The following NET1 variants were observed in gnomAD, a reference collection of about 807,000 sequenced individuals.
The protein encoded by NET1 is neuroepithelial cell transforming 1.
Under a neutral mutation model 61.1 loss-of-function variants are expected in NET1, and 42 were observed. The observed-to-expected ratio is 0.69, with a 90% CI of 0.54 to 0.89. NET1 has a LOEUF of 0.89. Among genes scored for constraint, NET1 ranks in the 40% least tolerant of loss-of-function variants. The pLI is 0.00. For synonymous variants in NET1, 254 were observed against 281.8 expected, an observed-to-expected ratio of 0.90 and a Z score of 0.99; for missense variants, 654 against 747.3, an observed-to-expected ratio of 0.88 and a Z score of 1.46.
chr10:5,421,654 A>G lies in NET1; in HGVS notation c.129-5001A>G, dbSNP rs1249171029. ...ATGTTTTTAAATAGTTTATTGAGAT[A>G]TGATTTGTATATCATAACATTCACC... On this transcript the variant is annotated intron_variant, in intron 1 of 11. Transcript: ENST00000355029. The surrounding 1 kb of genome is among the most constrained non-coding windows in gnomAD (Gnocchi z 4.2). 6.6e-6 allele frequency among the ~76,000 whole-genome samples: 1 copy of G among 152,234 alleles called. No homozygotes were observed. The highest frequency in any genetic ancestry group is 2.4e-5 in the African/African-American group (1 of 41,464).
chr10:5,442,923 C>T (rs910538026), intron 3 of NET1, among the ~76,000 whole-genome samples: 1 of 150,994 alleles, frequency 6.6e-6, no homozygotes, highest in Non-Finnish European at 1.5e-5. Flanking sequence ...TCTAAACTTA[C>T]ACAACTGGAA....
chr10:5,425,372 C>G (rs944862135), intron 1 of NET1, among the ~76,000 whole-genome samples: 2 of 152,180 alleles, frequency 1.3e-5, no homozygotes, highest in African/African-American at 4.8e-5. Flanking sequence ...AGACACTCAT[C>G]AGTGGTGTTT....
rs929539349 is a variant in NET1 at position 5,458,265 on chromosome 10, G to T, written c.*1271G>T. On this transcript the variant is annotated 3_prime_UTR_variant, in exon 12 of 12. Coordinates refer to ENST00000355029, the MANE Select transcript of NET1 (RefSeq NM_001047160.3). The surrounding 1 kb of genome is among the most constrained non-coding windows in gnomAD (Gnocchi z 4.5). The stretch of plus-strand genomic sequence containing the variant: ...TTACAAAATGTTTCTGTTAAAATGG[G>T]ATCATCATCTTTGAAAGGGGGGAGG... 14 of 152,286 alleles carry T rather than the reference G, an allele frequency of 9.2e-5. No homozygotes were observed. In the East Asian group the frequency reaches 2.5e-3, roughly 27 times the overall value. 9.4% of individuals were successfully genotyped at this position (152,286 alleles called of 1,614,324 possible).
rs1185556832 is a variant in NET1, at chr10:5,422,368, G to A, written c.129-4287G>A. On this transcript the variant is annotated intron_variant, in intron 1 of 11. Coordinates refer to ENST00000355029, the MANE Select transcript of NET1 (RefSeq NM_001047160.3). This position sits in a 1 kb window ranked among gnomAD's most constrained non-coding sequence, Gnocchi z 4.1. ...AAAAAAAGTCTTTGTGTAGACATAC[G>A]TTTTCACTCCTCTTGGGTAAATTCT... 6.6e-6 allele frequency among the ~76,000 whole-genome samples: 1 copy of A among 151,898 alleles called. No homozygotes were observed. Among genetic ancestry groups the A allele is most frequent in the Non-Finnish European group, 1.5e-5 (1 of 67,944 alleles).
chr10:5,413,350 G>A (rs1387442176), intron 1 of NET1, among the ~76,000 whole-genome samples: 1 of 152,170 alleles, frequency 6.6e-6, no homozygotes, highest in East Asian at 1.9e-4. Flanking sequence ...AAAGACTAAG[G>A]GATAAGTTGA....
Position 5,444,113 on chromosome 10 carries a change from C to T in NET1, c.256-7717C>T, listed in dbSNP as rs1832567404. Among the ~76,000 whole-genome samples, 2 of 152,204 alleles carry T rather than the reference C, an allele frequency of 1.3e-5. No homozygotes were observed. The highest frequency in any genetic ancestry group is 2.4e-5 in the African/African-American group (1 of 41,430). ...GAGTAAAATTAGGAGTCCACAATCG[C>T]TCAGGTGCTTCTACTTTCATGCTAT... On this transcript the variant is annotated intron_variant, in intron 3 of 11. Transcript: ENST00000355029. This position sits in a 1 kb window ranked among gnomAD's most constrained non-coding sequence, Gnocchi z 5.3.
chr10:5,457,195 A>C lies in NET1; in HGVS notation c.*201A>C, dbSNP rs1249182613. The C allele has an allele frequency of 2.5e-6, 1 of 402,858 alleles. No individual in the cohort carries two copies. Among genetic ancestry groups the C allele is most frequent in the Non-Finnish European group, 4.3e-6 (1 of 233,676 alleles). 25.0% of individuals were successfully genotyped at this position (402,858 alleles called of 1,614,324 possible). On this transcript the variant is annotated 3_prime_UTR_variant, in exon 12 of 12. Transcript: ENST00000355029. This position sits in a 1 kb window ranked among gnomAD's most constrained non-coding sequence, Gnocchi z 5.4. ...TTAAATTGCAGTCCTTTTTTTTTTA[A>C]AGATATTTTCTTGAATTATTTAGAA...
chr10:5,458,843 G>A lies in NET1; in HGVS notation c.*1849G>A, dbSNP rs1446580396. The stretch of plus-strand genomic sequence containing the variant: ...TGATTGTGATCTGCAACACCAGAAA[G>A]CAAGATTTCTAATCATTTCCAGAGG... On this transcript the variant is annotated 3_prime_UTR_variant, in exon 12 of 12. Coordinates refer to ENST00000355029, the MANE Select transcript of NET1 (RefSeq NM_001047160.3). The surrounding 1 kb of genome is among the most constrained non-coding windows in gnomAD (Gnocchi z 4.5). 1.3e-5 allele frequency among the ~76,000 whole-genome samples: 2 copies of A among 152,164 alleles called. No individual in the cohort carries two copies. Among genetic ancestry groups the A allele is most frequent in the Non-Finnish European group, 2.9e-5 (2 of 68,022 alleles).
At position 5,456,777 on chromosome 10, in the gene NET1, A is replaced by G; in HGVS notation, c.1574A>G (p.Asn525Ser). The change falls in exon 12 of 12, where the codon AAC (asparagine) becomes AGC (serine). Residue 525 changes from asparagine (N) to serine (S), a missense_variant. Asn to Ser is a conservative substitution (Grantham distance 46). Transcript: ENST00000355029. This position sits in a 1 kb window ranked among gnomAD's most constrained non-coding sequence, Gnocchi z 7.0. ...LPELHEECEG[N>S]HPSARKLTAQ... ...GAGCTGCACGAAGAGTGTGAGGGGA[A>G]CCACCCCTCTGCGAGGAAACTCACA... 1 of 1,613,424 alleles carries G rather than the reference A, an allele frequency of 6.2e-7. No individual in the cohort carries two copies. The highest frequency in any genetic ancestry group is 8.5e-7 in the Non-Finnish European group (1 of 1,179,664).
Position 5,456,834 on chromosome 10 carries a change from T to C in NET1, c.1631T>C (p.Val544Ala), listed in dbSNP as rs1221489341. 1 of 1,614,010 alleles carries C rather than the reference T, an allele frequency of 6.2e-7. No homozygotes were observed. Among genetic ancestry groups the C allele is most frequent in the Non-Finnish European group, 8.5e-7 (1 of 1,179,992 alleles). ...AGGAGGGCATCCACAGTTTCCAGTGTTACTCAGGTAGAAGTTGATGAAAAC... is the reference window on the plus strand; with the variant it reads ...AGGAGGGCATCCACAGTTTCCAGTGCTACTCAGGTAGAAGTTGATGAAAAC... Reference protein sequence around the residue: ...AQRRASTVSSVTQVEVDENAY... With the variant: ...AQRRASTVSSATQVEVDENAY... Residue 544 changes from valine to alanine, a missense_variant, in exon 12 of 12, where the codon GTT (valine) becomes GCT (alanine). Transcript: ENST00000355029. This position sits in a 1 kb window ranked among gnomAD's most constrained non-coding sequence, Gnocchi z 7.0.
At position 5,440,426 on chromosome 10, in the gene NET1, T is replaced by C. The variant is rs949552573; in HGVS notation, c.255+11197T>C. 3.9e-5 allele frequency among the ~76,000 whole-genome samples: 6 copies of C among 152,220 alleles called. No individual in the cohort carries two copies. Among genetic ancestry groups the C allele is most frequent in the Admixed American group, 3.3e-4 (5 of 15,284 alleles). Reference sequence around the variant, plus strand: ...CTACATCTTGCACAACAGTTGAGGTTGGAACTACCACTTAAGTTTACAGTG... The same window carrying C: ...CTACATCTTGCACAACAGTTGAGGTCGGAACTACCACTTAAGTTTACAGTG... On this transcript the variant is annotated intron_variant, in intron 3 of 11. Coordinates refer to ENST00000355029, the MANE Select transcript of NET1 (RefSeq NM_001047160.3). This position sits in a 1 kb window ranked among gnomAD's most constrained non-coding sequence, Gnocchi z 4.1.
chr10:5,430,284 C>G (rs879339732), intron 3 of NET1, among the ~76,000 whole-genome samples: 4 of 151,996 alleles, frequency 2.6e-5, no homozygotes, highest in African/African-American at 4.8e-5. Context: ...TAGCAGTTAT[C>G]AATATATGAA....
Position 5,457,415 on chromosome 10 carries a change from A to G in NET1, c.*421A>G, listed in dbSNP as rs1021156156. On this transcript the variant is annotated 3_prime_UTR_variant, in exon 12 of 12. Transcript: ENST00000355029. This position sits in a 1 kb window ranked among gnomAD's most constrained non-coding sequence, Gnocchi z 5.4. ...TGCATGCAAAATTTGAAATTTTAAC[A>G]TTGGCACCCAAAACCTACATGGAAT... The G allele has an allele frequency of 2.6e-5, 4 of 153,426 alleles. No individual in the cohort carries two copies. Among genetic ancestry groups the G allele is most frequent in the African/African-American group, 7.2e-5 (3 of 41,478 alleles). The allele number at this position is 153,426 out of a possible 1,614,324, so 9.5% of individuals were successfully genotyped here. A position where few individuals can be genotyped will look rare whatever the true frequency, so the allele number is the denominator to read the frequency against.
chr10:5,457,193 T>A lies in NET1; in HGVS notation c.*199T>A, dbSNP rs59949764. The A allele has an allele frequency of 5.9e-4, 236 of 402,416 alleles. 2 individuals are homozygous for A. The highest frequency in any genetic ancestry group is 4.3e-3 in the African/African-American group (207 of 48,696). The allele number at this position is 402,416 out of a possible 1,614,324, so 24.9% of individuals were successfully genotyped here. On this transcript the variant is annotated 3_prime_UTR_variant, in exon 12 of 12. Transcript: ENST00000355029. This position sits in a 1 kb window ranked among gnomAD's most constrained non-coding sequence, Gnocchi z 5.4. The stretch of plus-strand genomic sequence containing the variant: ...TGTTAAATTGCAGTCCTTTTTTTTT[T>A]AAAGATATTTTCTTGAATTATTTAG...
Position 5,456,049 on chromosome 10 carries a change from CAA to C in NET1, c.1198-37_1198-36del. ...AATATATTTCAGTCACTTAAAAACA[CAA>C]GTTTCCTATTTAGCGTTTGTTTCCC... is the stretch of plus-strand genomic sequence containing the variant. On this transcript the variant is annotated intron_variant, in intron 10 of 11. Transcript: ENST00000355029. This position sits in a 1 kb window ranked among gnomAD's most constrained non-coding sequence, Gnocchi z 7.0. The C allele has an allele frequency of 1.3e-6, 2 of 1,568,732 alleles. No homozygotes were observed. The highest frequency in any genetic ancestry group is 8.7e-7 in the Non-Finnish European group (1 of 1,151,892).
rs1462170828 is a variant in NET1, at chr10:5,456,742, G to A, written c.1539G>A (p.Gln513=). Residue 513 remains glutamine, a synonymous_variant, in exon 12 of 12, where the codon CAG becomes CAA. Transcript: ENST00000355029. The surrounding 1 kb of genome is among the most constrained non-coding windows in gnomAD (Gnocchi z 7.0). The part of the protein sequence containing the change: ...FQSAGSPPEL[Q]GLPELHEECE... ...CGGCAGGCAGTCCACCTGAGCTGCAGGGCCTGCCGGAGCTGCACGAAGAGT... is the reference window on the plus strand; with the variant it reads ...CGGCAGGCAGTCCACCTGAGCTGCAAGGCCTGCCGGAGCTGCACGAAGAGT... 1.2e-6 allele frequency: 2 copies of A among 1,614,114 alleles called. No individual in the cohort carries two copies. The highest frequency in any genetic ancestry group is 1.7e-6 in the Non-Finnish European group (2 of 1,180,006).
chr10:5,451,687 A>C lies in NET1; in HGVS notation c.256-143A>C. 1 of 543,590 alleles carries C rather than the reference A, an allele frequency of 1.8e-6. No homozygotes were observed. The highest frequency in any genetic ancestry group is 3.0e-5 in the Admixed American group (1 of 33,866). The allele number at this position is 543,590 out of a possible 1,614,324, so 33.7% of individuals were successfully genotyped here. A position where few individuals can be genotyped will look rare whatever the true frequency, so the allele number is the denominator to read the frequency against. Reference sequence around the variant, plus strand: ...TCAATAGAGTTCTTATTGTTTTGACAATGAAGAACAACTCTTACTTTCATG... The same window carrying C: ...TCAATAGAGTTCTTATTGTTTTGACCATGAAGAACAACTCTTACTTTCATG... On this transcript the variant is annotated intron_variant, in intron 3 of 11. Coordinates refer to ENST00000355029, the MANE Select transcript of NET1 (RefSeq NM_001047160.3). The surrounding 1 kb of genome is among the most constrained non-coding windows in gnomAD (Gnocchi z 6.1).
chr10:5,450,090 TG>T (rs1832681071), intron 3 of NET1, among the ~76,000 whole-genome samples: 4 of 152,148 alleles, frequency 2.6e-5, no homozygotes, highest in African/African-American at 9.7e-5. Context: ...CAGATGTACG[TG>T]GGGGAGGCAT....
rs1832775347 is a variant in NET1 at position 5,455,079 on chromosome 10, G to A, written c.1158G>A (p.Val386=). 3 of 1,613,792 alleles carry A rather than the reference G, an allele frequency of 1.9e-6. No individual in the cohort carries two copies. Among genetic ancestry groups the A allele is most frequent in the South Asian group, 1.1e-5 (1 of 91,058 alleles). ...QRDPRIEASK[V]LLCHGELRSK... ...ACCCCAGAATCGAAGCGAGCAAAGT[G>A]CTGCTGTGCCATGGGGAGCTGCGGA... is the stretch of plus-strand genomic sequence containing the variant. Residue 386 remains valine, a synonymous_variant, in exon 10 of 12, where the codon GTG becomes GTA. Transcript: ENST00000355029. The surrounding 1 kb of genome is among the most constrained non-coding windows in gnomAD (Gnocchi z 6.5).
Sources: allele counts gnomAD v4.1 joint callset (sites outside exome capture counted in the v4.1 genomes callset), GRCh38; gene constraint gnomAD v4.1.1; non-coding constraint Gnocchi (gnomAD v3.1); transcripts MANE v1.5; gene names NCBI Gene and HGNC (gene_info 2026-07-23, HGNC 2026-07-21).